The following SLC71A2 variants were observed in gnomAD, a reference collection of about 807,000 sequenced individuals.
SLC71A2 encodes hippocampus abundant transcript-like 1.
At chr9:94,407,216 T>C in the SLC71A2 span, among the ~76,000 whole-genome samples, 69,497 of 148,392 alleles carry the variant, frequency 0.47, 15,637 homozygotes, top group East Asian at 0.56. Context: ...TTGTATTACA[T>C]TGATTGGTTT....
chr9:94,460,446 C>G, the SLC71A2 span: 1 of 152,558 alleles, frequency 6.6e-6, no homozygotes, highest in African/African-American at 2.4e-5. Flanking sequence ...ACTTTTGAAT[C>G]GCATGGGAAT....
chr9:94,439,628 T>C, the SLC71A2 span, among the ~76,000 whole-genome samples: 2 of 151,768 alleles, frequency 1.3e-5, no homozygotes, highest in African/African-American at 4.8e-5. Context: ...ACATTCTAAA[T>C]TTATTGGGTA....
the SLC71A2 span, among the ~76,000 whole-genome samples, chr9:94,397,089 A>G: frequency 2.2e-4 from 33 of 151,978 alleles, 1 homozygote; most frequent in African/African-American, 6.5e-4. Flanking sequence ...TAATAGTACT[A>G]ATTTTTCCTC....
At chr9:94,412,204 T>G in the SLC71A2 span, among the ~76,000 whole-genome samples, 1 of 152,248 alleles carries the variant, frequency 6.6e-6, no homozygotes, top group African/African-American at 2.4e-5. Flanking sequence ...ACATTTGATT[T>G]CAGTGAACTG....
At chr9:94,422,998 G>A in the SLC71A2 span, among the ~76,000 whole-genome samples, 1 of 147,862 alleles carries the variant, frequency 6.8e-6, no homozygotes, top group African/African-American at 2.5e-5. Flanking sequence ...GTGCAGTGGT[G>A]CGATATCGGT....
At chr9:94,435,067 C>G in the SLC71A2 span, among the ~76,000 whole-genome samples, 1 of 152,216 alleles carries the variant, frequency 6.6e-6, no homozygotes, top group Non-Finnish European at 1.5e-5. Context: ...CCTGTATCCT[C>G]ACTTTCATCT....
At chr9:94,409,129 C>CTTTTTTTTTT in the SLC71A2 span, among the ~76,000 whole-genome samples, 122 of 68,240 alleles carry the variant, frequency 1.8e-3, 7 homozygotes, top group African/African-American at 5.7e-3. Flanking sequence ...GCCCGGCCTC[C>CTTTTTTTTTT]TTTTTTTTTT....
At chr9:94,386,365 C>T in the SLC71A2 span, among the ~76,000 whole-genome samples, 3 of 151,112 alleles carry the variant, frequency 2.0e-5, no homozygotes, top group Admixed American at 2.0e-4. Context: ...CTCCACTACT[C>T]AGGCAAGGTT....
At chr9:94,377,090 A>T in the SLC71A2 span, among the ~76,000 whole-genome samples, 1 of 146,798 alleles carries the variant, frequency 6.8e-6, no homozygotes, top group East Asian at 2.0e-4. Flanking sequence ...ATGAGCAGGT[A>T]GCAGTGTTTT....
chr9:94,441,512 T>C, the SLC71A2 span, among the ~76,000 whole-genome samples: 2 of 152,146 alleles, frequency 1.3e-5, no homozygotes, highest in Non-Finnish European at 2.9e-5. Flanking sequence ...TCCAATCACC[T>C]CCCACCAGGC....
chr9:94,413,007 A>T, the SLC71A2 span, among the ~76,000 whole-genome samples: 2,499 of 151,914 alleles, frequency 0.016, 84 homozygotes, highest in East Asian at 0.1. Flanking sequence ...ACATATTTTT[A>T]AAAAATAAAA....
the SLC71A2 span, among the ~76,000 whole-genome samples, chr9:94,420,240 G>T: frequency 6.6e-6 from 1 of 152,222 alleles, no homozygotes; most frequent in African/African-American, 2.4e-5. Flanking sequence ...TATATCCCTG[G>T]CCTAACCCAC....
chr9:94,417,856 CCA>C, the SLC71A2 span, among the ~76,000 whole-genome samples: 658 of 38,984 alleles, frequency 0.017, 1 homozygote, highest in Non-Finnish European at 0.028. Context: ...AGTTCCCACC[CCA>C]CCCCCCCCCC....
chr9:94,380,545 G>GC, the SLC71A2 span, among the ~76,000 whole-genome samples: 1 of 59,356 alleles, frequency 1.7e-5, no homozygotes, highest in Non-Finnish European at 3.3e-5. Flanking sequence ...ATGGCTCAGT[G>GC]CACCCGGGAA....
the SLC71A2 span, among the ~76,000 whole-genome samples, chr9:94,390,998 G>T: frequency 2.0e-5 from 3 of 151,922 alleles, no homozygotes; most frequent in African/African-American, 7.3e-5. Context: ...CAGTGCCTGA[G>T]TGTGGAGAGA....
At chr9:94,411,635 G>C in the SLC71A2 span, among the ~76,000 whole-genome samples, 1 of 150,842 alleles carries the variant, frequency 6.6e-6, no homozygotes. Flanking sequence ...TTGTTGCCCA[G>C]GCTGGAGTGC....
At chr9:94,448,178 T>C in the SLC71A2 span, among the ~76,000 whole-genome samples, 1 of 152,182 alleles carries the variant, frequency 6.6e-6, no homozygotes, top group Non-Finnish European at 1.5e-5. Flanking sequence ...CCAGGTCTGA[T>C]TGAAGCCAGC....
At chr9:94,446,188 A>T in the SLC71A2 span, among the ~76,000 whole-genome samples, 1 of 152,244 alleles carries the variant, frequency 6.6e-6, no homozygotes, top group Non-Finnish European at 1.5e-5. Context: ...TTAATTACAT[A>T]AAAGCTATGG....
chr9:94,392,214 T>G, the SLC71A2 span, among the ~76,000 whole-genome samples: 1 of 150,708 alleles, frequency 6.6e-6, no homozygotes, highest in Non-Finnish European at 1.5e-5. Flanking sequence ...AAAGAAACTC[T>G]TGGGAATGCT....
Sources: allele counts gnomAD v4.1 joint callset (sites outside exome capture counted in the v4.1 genomes callset), GRCh38; gene constraint gnomAD v4.1.1; transcripts MANE v1.5; gene names NCBI Gene and HGNC (gene_info 2026-07-23, HGNC 2026-07-21).